MAPK8IP3: variants seen among roughly 807,000 people sequenced by gnomAD.
The protein encoded by MAPK8IP3 is mitogen-activated protein kinase 8 interacting protein 3, also known as C-Jun-amino-terminal kinase-interacting protein 3.
Under a neutral mutation model 157.8 loss-of-function variants are expected in MAPK8IP3, and 49 were observed. The ratio of observed to expected loss-of-function variants is 0.31; its 90% CI spans 0.25 to 0.39. MAPK8IP3 has a LOEUF of 0.39. Ranked by LOEUF, MAPK8IP3 falls within the 10% of genes least tolerant of loss-of-function variation. MAPK8IP3 has a pLI of 1.00. For missense variants in MAPK8IP3, 1,478 were observed against 1,889.4 expected (o/e 0.78, Z 4.04); for synonymous variants, 897 against 777.7 (o/e 1.15, Z -2.55).
At chr16:1,714,550 C>G (rs901961544) in intron 1 of MAPK8IP3, among the ~76,000 whole-genome samples, 1 of 152,156 alleles carries the variant, frequency 6.6e-6, no homozygotes, top group Non-Finnish European at 1.5e-5. Context: ...CAAAACTTGC[C>G]TTTTGTTAAA....
In MAPK8IP3 at chr16:1,729,570, G is replaced by A. The variant is rs1213484657; in HGVS notation, c.594G>A (p.Pro198=). The change falls in exon 4 of 32, where the codon CCG becomes CCA. Residue 198 remains proline, a synonymous_variant. Coordinates refer to ENST00000610761, the MANE Select transcript of MAPK8IP3 (RefSeq NM_001318852.2). ...ACAGCCAGACCGAGAGCAGCCTGCC[G>A]GGGCGGAGGTACGCGGGGCGCGGCG... The part of the protein sequence containing the change: ...GGNSQTESSL[P]GRSRKERPTS... 3.8e-6 allele frequency: 6 copies of A among 1,599,088 alleles called. No homozygotes were observed. Among genetic ancestry groups the A allele is most frequent in the South Asian group, 2.2e-5 (2 of 89,812 alleles).
Position 1,768,142 on chromosome 16 carries a change from C to T in MAPK8IP3, c.3562+35C>T, listed in dbSNP as rs772589613. On this transcript the variant is annotated intron_variant, in intron 29 of 31. Coordinates refer to ENST00000610761, the MANE Select transcript of MAPK8IP3 (RefSeq NM_001318852.2). ...GCCACCTCGTGTCCCCTCACGGGAG[C>T]CTCTCCCACTCTCCACCTGTATGCG... 4.3e-6 allele frequency: 7 copies of T among 1,611,858 alleles called. No individual in the cohort carries two copies. In the Admixed American group the frequency reaches 5.0e-5, roughly 12 times the overall value.
intron 8 of MAPK8IP3, among the ~76,000 whole-genome samples, chr16:1,756,741 G>A (rs1352782690): frequency 6.6e-6 from 1 of 151,746 alleles, no homozygotes; most frequent in Non-Finnish European, 1.5e-5. Flanking sequence ...AGGATCTCTT[G>A]AGCCTGGGAG....
At chr16:1,733,577 G>A (rs1187291963) in intron 4 of MAPK8IP3, among the ~76,000 whole-genome samples, 6 of 152,196 alleles carry the variant, frequency 3.9e-5, no homozygotes, top group Admixed American at 3.3e-4. Flanking sequence ...ACCTGCTGTC[G>A]AGGTGTCCCC....
In MAPK8IP3 at chr16:1,706,791, C is replaced by A. The variant is rs1487069469; in HGVS notation, c.318+134C>A. The A allele has an allele frequency of 9.9e-7, 1 of 1,006,852 alleles. No homozygotes were observed. Among genetic ancestry groups the A allele is most frequent in the Non-Finnish European group, 1.4e-6 (1 of 728,152 alleles). The allele number at this position is 1,006,852 out of a possible 1,614,324, so 62.4% of individuals were successfully genotyped here. A position where few individuals can be genotyped will look rare whatever the true frequency, so the allele number is the denominator to read the frequency against. ...ACCGCGGGACCCCTGGACCCCCAGACCCCGCCCCGAGACCCGCCTGGACCC... is the reference window on the plus strand; with the variant it reads ...ACCGCGGGACCCCTGGACCCCCAGAACCCGCCCCGAGACCCGCCTGGACCC... On this transcript the variant is annotated intron_variant, in intron 1 of 31. Coordinates refer to ENST00000610761, the MANE Select transcript of MAPK8IP3 (RefSeq NM_001318852.2). This position sits in a 1 kb window ranked among gnomAD's most constrained non-coding sequence, Gnocchi z 5.1.
At chr16:1,734,432 T>C (rs923986497) in intron 4 of MAPK8IP3, among the ~76,000 whole-genome samples, 3 of 152,118 alleles carry the variant, frequency 2.0e-5, no homozygotes, top group Non-Finnish European at 4.4e-5. Context: ...GTCCCCTGCC[T>C]CCCCAGGCCG....
intron 2 of MAPK8IP3, 98 bp from the exon 3 acceptor site, chr16:1,729,040 C>T (rs761371929): frequency 1.7e-6 from 2 of 1,200,728 alleles, no homozygotes; most frequent in Non-Finnish European, 2.5e-6. Flanking sequence ...AGAGTCCCAG[C>T]CTTGTCCTGG....
At chr16:1,746,819 GGA>G (rs2040990191) in intron 5 of MAPK8IP3, 2 of 599,594 alleles carry the variant, frequency 3.3e-6, no homozygotes, top group South Asian at 4.5e-5. Context: ...CCGAGGAGCC[GGA>G]GTCAGTGGCC....
In MAPK8IP3 at chr16:1,768,534, G is replaced by A. The variant is rs1267707132; in HGVS notation, c.3800G>A (p.Gly1267Glu). 1.3e-6 allele frequency: 2 copies of A among 1,561,078 alleles called. No homozygotes were observed. The highest frequency in any genetic ancestry group is 1.9e-5 in the Admixed American group (1 of 51,928). Residue 1267 changes from glycine to glutamate, a missense_variant, in exon 31 of 32, where the codon GGG (glycine) becomes GAG (glutamate). By Grantham distance (98) the Gly-to-Glu change is moderately conservative (BLOSUM62 -2). Coordinates refer to ENST00000610761, the MANE Select transcript of MAPK8IP3 (RefSeq NM_001318852.2). ...SVLDSPAEGP[G>E]PAAPASEVEG... The stretch of plus-strand genomic sequence containing the variant: ...CTGGACAGCCCAGCCGAGGGCCCTG[G>A]GCCAGCTGCCCCTGCCTCGGAGGTC...
intron 4 of MAPK8IP3, chr16:1,735,180 CG>C (rs532169684): frequency 9.8e-5 from 15 of 152,436 alleles, no homozygotes; most frequent in African/African-American, 3.6e-4. Flanking sequence ...CATCGGGGTA[CG>C]GCCGCCCTGC....
intron 8 of MAPK8IP3, 94 bp downstream of exon 8, chr16:1,748,814 C>G (rs759793314): frequency 8.9e-7 from 1 of 1,124,870 alleles, no homozygotes; most frequent in African/African-American, 1.5e-5. Flanking sequence ...AGTCCTCTGT[C>G]AGCTGTGAGC....
intron 24 of MAPK8IP3, 28 bp downstream of exon 24, chr16:1,766,831 C>A: frequency 6.2e-7 from 1 of 1,612,350 alleles, no homozygotes; most frequent in East Asian, 2.2e-5. Context: ...GAGGGCCGGG[C>A]GGCGCGGGGG....
rs1442622565 is a variant in MAPK8IP3, at chr16:1,706,719, C to G, written c.318+62C>G. On this transcript the variant is annotated intron_variant, in intron 1 of 31. Coordinates refer to ENST00000610761, the MANE Select transcript of MAPK8IP3 (RefSeq NM_001318852.2). The surrounding 1 kb of genome is among the most constrained non-coding windows in gnomAD (Gnocchi z 5.1). ...CGGACCCCCAGCCAGCCCCGGGCCC[C>G]GGACCCAACACCCGTCCCGACCCCA... 3.3e-5 allele frequency: 49 copies of G among 1,464,716 alleles called. No individual in the cohort carries two copies. Among genetic ancestry groups the G allele is most frequent in the Non-Finnish European group, 3.9e-5 (43 of 1,104,426 alleles). 90.7% of individuals were successfully genotyped at this position (1,464,716 alleles called of 1,614,324 possible).
intron 1 of MAPK8IP3, among the ~76,000 whole-genome samples, chr16:1,722,531 G>A (rs1472158476): frequency 6.6e-6 from 1 of 152,060 alleles, no homozygotes; most frequent in Non-Finnish European, 1.5e-5. Context: ...TCCACCACCC[G>A]GTTTATATTC....
At chr16:1,725,889 G>GC (rs1267979845) in intron 2 of MAPK8IP3, among the ~76,000 whole-genome samples, 75 of 152,130 alleles carry the variant, frequency 4.9e-4, no homozygotes, top group African/African-American at 1.7e-3. Flanking sequence ...AGTAGAGATG[G>GC]GGTTTCACTG....
intron 8 of MAPK8IP3, among the ~76,000 whole-genome samples, chr16:1,753,412 G>T (rs1237537695): frequency 6.6e-6 from 1 of 151,964 alleles, no homozygotes; most frequent in Non-Finnish European, 1.5e-5. Flanking sequence ...GTGAGCCACT[G>T]CACCCAGCCC....
chr16:1,764,072 G>A (rs781635577), intron 17 of MAPK8IP3, 43 bp from the exon 18 acceptor site: 1 of 1,529,602 alleles, frequency 6.5e-7, no homozygotes, highest in Non-Finnish European at 8.9e-7. Context: ...GGGATGGGTA[G>A]GAGCCAGGGT....
At chr16:1,735,888 G>A (rs936277950) in intron 4 of MAPK8IP3, among the ~76,000 whole-genome samples, 1 of 139,252 alleles carries the variant, frequency 7.2e-6, no homozygotes, top group African/African-American at 2.7e-5. Context: ...GCATCTGTGT[G>A]ACTGTCCATG....
At chr16:1,746,135 C>T (rs977916685) in intron 5 of MAPK8IP3, 1 of 152,248 alleles carries the variant, frequency 6.6e-6, no homozygotes, top group African/African-American at 2.4e-5. Context: ...CCTCTGAGGC[C>T]TTGCACTTTC....
Sources: allele counts gnomAD v4.1 joint callset (sites outside exome capture counted in the v4.1 genomes callset), GRCh38; gene constraint gnomAD v4.1.1; non-coding constraint Gnocchi (gnomAD v3.1); transcripts MANE v1.5; gene names NCBI Gene and HGNC (gene_info 2026-07-23, HGNC 2026-07-21).